Variants in GRIN2A observed in about 807,000 individuals in gnomAD.
GRIN2A encodes glutamate ionotropic receptor NMDA type subunit 2A, also known as glutamate receptor ionotropic, NMDA 2A.
In GRIN2A, 22 loss-of-function variants were observed where a neutral mutation model predicts 113.4. The observed-to-expected ratio is 0.19, with a 90% CI of 0.14 to 0.28. The LOEUF is 0.28. GRIN2A is among the 10% of genes least tolerant of loss of function. GRIN2A has a pLI of 1.00. For missense variants in GRIN2A, 1,502 were observed against 1,887.0 expected, an observed-to-expected ratio of 0.80 and a Z score of 3.78; for synonymous variants, 827 against 738.4, an observed-to-expected ratio of 1.12 and a Z score of -1.94.
chr16:9,832,401 T>C (rs776868390), intron 8 of GRIN2A, among the ~76,000 whole-genome samples: 3 of 152,172 alleles, frequency 2.0e-5, no homozygotes, highest in African/African-American at 4.8e-5. Context: ...TCCTTTCCCA[T>C]TGGACCATCT....
At chr16:10,004,151 G>A (rs963680623) in intron 2 of GRIN2A, among the ~76,000 whole-genome samples, 1 of 152,138 alleles carries the variant, frequency 6.6e-6, no homozygotes, top group Non-Finnish European at 1.5e-5. Context: ...AGCATTTTGG[G>A]AGGCTGAGGC....
rs1023926944 is a variant in GRIN2A, at chr16:9,754,107, C to T, written c.*9042G>A. Reference sequence around the variant, plus strand: ...TTTTATGATCTAATTCTTATTCAAGCTACCAAGAAACTCACCTTATTCTTT... The same window carrying T: ...TTTTATGATCTAATTCTTATTCAAGTTACCAAGAAACTCACCTTATTCTTT... On this transcript the variant is annotated 3_prime_UTR_variant, in exon 13 of 13. Transcript: ENST00000330684. 18 of 185,284 alleles carry T rather than the reference C, an allele frequency of 9.7e-5. No homozygotes were observed. Among genetic ancestry groups the T allele is most frequent in the Non-Finnish European group, 1.6e-4 (14 of 87,558 alleles). The allele number at this position is 185,284 out of a possible 1,614,324, so 11.5% of individuals were successfully genotyped here. A position where few individuals can be genotyped will look rare whatever the true frequency, so the allele number is the denominator to read the frequency against.
At chr16:9,770,836 CAG>C (rs1376124682) in intron 11 of GRIN2A, among the ~76,000 whole-genome samples, 1 of 152,116 alleles carries the variant, frequency 6.6e-6, no homozygotes, top group African/African-American at 2.4e-5. Flanking sequence ...ACAGAAAGTA[CAG>C]AGAGTTCCCA....
At chr16:10,118,583 G>A (rs1183199334) in intron 2 of GRIN2A, among the ~76,000 whole-genome samples, 1 of 152,106 alleles carries the variant, frequency 6.6e-6, no homozygotes, top group Non-Finnish European at 1.5e-5. Context: ...TATAGAAATT[G>A]GGCACAATCT....
chr16:9,778,359 C>T (rs1462967291), intron 11 of GRIN2A, among the ~76,000 whole-genome samples: 1 of 152,174 alleles, frequency 6.6e-6, no homozygotes, highest in African/African-American at 2.4e-5. Flanking sequence ...GTCAAGCTGA[C>T]ATGGCTTAAA....
At chr16:10,178,942 CT>C (rs1426542281) in intron 2 of GRIN2A, among the ~76,000 whole-genome samples, 2 of 152,248 alleles carry the variant, frequency 1.3e-5, no homozygotes, top group Non-Finnish European at 2.9e-5. Context: ...GCCTTCTGAA[CT>C]CCCAATCTTT....
intron 2 of GRIN2A, among the ~76,000 whole-genome samples, chr16:9,951,439 C>T (rs904677620): frequency 6.6e-6 from 1 of 152,180 alleles, no homozygotes; most frequent in Non-Finnish European, 1.5e-5. Flanking sequence ...CTCATGGGTG[C>T]ATTTGTGTTT....
At chr16:9,916,386 G>T (rs913180050) in intron 3 of GRIN2A, among the ~76,000 whole-genome samples, 9 of 152,192 alleles carry the variant, frequency 5.9e-5, no homozygotes, top group African/African-American at 2.2e-4. Flanking sequence ...ACCAGAAATT[G>T]TGAGTAGGAG....
At chr16:10,144,094 T>G (rs1424684799) in intron 2 of GRIN2A, among the ~76,000 whole-genome samples, 5 of 152,182 alleles carry the variant, frequency 3.3e-5, no homozygotes, top group Non-Finnish European at 5.9e-5. Flanking sequence ...CTTTGGGATA[T>G]GTACCCAGAA....
At chr16:9,940,024 G>GAC (rs1390535521) in intron 2 of GRIN2A, among the ~76,000 whole-genome samples, 1 of 138,448 alleles carries the variant, frequency 7.2e-6, no homozygotes, top group Non-Finnish European at 1.6e-5. Flanking sequence ...CACTGAGAGA[G>GAC]AGAGAGAGAG....
chr16:10,089,653 G>C (rs187763230), intron 2 of GRIN2A, among the ~76,000 whole-genome samples: 3 of 152,242 alleles, frequency 2.0e-5, no homozygotes, highest in Admixed American at 1.3e-4. Context: ...ATGTAGGAAG[G>C]TCCTCTCAAT....
At position 10,021,259 on chromosome 16, in the gene GRIN2A, A is replaced by G. The variant is rs574164336; in HGVS notation, c.415-82708T>C. On this transcript the variant is annotated intron_variant, in intron 2 of 12. Coordinates refer to ENST00000330684, the MANE Select transcript of GRIN2A (RefSeq NM_001134407.3). Reference sequence around the variant, plus strand: ...GAATGGACTGGTCAATGACGGCTCTATTCAACACATATTTATTGAACATCT... The same window carrying G: ...GAATGGACTGGTCAATGACGGCTCTGTTCAACACATATTTATTGAACATCT... 2.0e-4 allele frequency among the ~76,000 whole-genome samples: 30 copies of G among 152,324 alleles called. No individual in the cohort carries two copies. In the South Asian group the frequency reaches 4.4e-3, roughly 22 times the overall value.
chr16:10,027,970 C>A (rs1015005690), intron 2 of GRIN2A, among the ~76,000 whole-genome samples: 1 of 152,168 alleles, frequency 6.6e-6, no homozygotes, highest in African/African-American at 2.4e-5. Flanking sequence ...TCTCCTACAT[C>A]CACCTGGCTT....
intron 10 of GRIN2A, among the ~76,000 whole-genome samples, chr16:9,807,775 G>C (rs938184455): frequency 6.6e-6 from 1 of 152,176 alleles, no homozygotes; most frequent in African/African-American, 2.4e-5. Context: ...CCTCAGCTGG[G>C]ATGCAGGGTC....
intron 2 of GRIN2A, among the ~76,000 whole-genome samples, chr16:10,048,433 A>C (rs1018955004): frequency 6.6e-6 from 1 of 152,264 alleles, no homozygotes; most frequent in Non-Finnish European, 1.5e-5. Flanking sequence ...TTTCAAAAAC[A>C]GTCAACAGCA....
chr16:9,876,662 T>C (rs7199147), intron 4 of GRIN2A, among the ~76,000 whole-genome samples: 52,113 of 151,820 alleles, frequency 0.34, 10,045 homozygotes, highest in African/African-American at 0.53. Context: ...CTGTACCTAC[T>C]ACAGGCCTGG....
chr16:9,827,188 G>T (rs1192874173), intron 9 of GRIN2A, among the ~76,000 whole-genome samples: 2 of 152,252 alleles, frequency 1.3e-5, no homozygotes, highest in Non-Finnish European at 2.9e-5. Context: ...GAGGTGACAT[G>T]GCTTTAAAAA....
intron 2 of GRIN2A, among the ~76,000 whole-genome samples, chr16:9,977,327 G>T (rs537965689): frequency 2.0e-5 from 3 of 151,758 alleles, no homozygotes. Context: ...AGGACTGACC[G>T]GAGTTTGAAT....
intron 4 of GRIN2A, among the ~76,000 whole-genome samples, chr16:9,879,271 G>A (rs910350469): frequency 2.0e-5 from 3 of 152,122 alleles, no homozygotes; most frequent in African/African-American, 4.8e-5. Context: ...ATGGATTTGG[G>A]AGAAGAAAGA....
Sources: gnomAD v4.1 joint callset for allele counts (sites outside exome capture counted in the v4.1 genomes callset) on GRCh38, gnomAD v4.1.1 for gene constraint, MANE v1.5 for transcripts, NCBI Gene and HGNC (gene_info 2026-07-23, HGNC 2026-07-21) for gene names.